MDFIC2: variants seen among roughly 807,000 people sequenced by gnomAD.
MDFIC2 encodes the protein myoD family inhibitor domain-containing protein 2.
chr3:70,271,520 A>G (rs1390527107), intron 2 of MDFIC2, among the ~76,000 whole-genome samples: 4 of 152,238 alleles, frequency 2.6e-5, no homozygotes, highest in African/African-American at 9.6e-5. Flanking sequence ...ACTATTTAAC[A>G]AACATCACCC....
chr3:70,254,769 A>T (rs1360969915), intron 2 of MDFIC2, among the ~76,000 whole-genome samples: 1 of 152,198 alleles, frequency 6.6e-6, no homozygotes, highest in Non-Finnish European at 1.5e-5. Flanking sequence ...ACCTCTCCAT[A>T]GTAACTAAAC....
intron 2 of MDFIC2, among the ~76,000 whole-genome samples, chr3:70,207,542 TCTC>T (rs2106725313): frequency 6.6e-6 from 1 of 152,098 alleles, no homozygotes; most frequent in East Asian, 1.9e-4. Context: ...GTATTTTACA[TCTC>T]CTATACAGTT....
In MDFIC2 at chr3:70,265,838, G is replaced by A. The variant is rs1041437459; in HGVS notation, c.88+46048C>T. Among the ~76,000 whole-genome samples, 12 of 152,130 alleles carry A rather than the reference G, an allele frequency of 7.9e-5. No homozygotes were observed. The East Asian group carries it at 9.6e-4, about 12-fold the overall frequency. ...GCAGGAGAGAGAATGAGTGCCAGCC[G>A]GGGAAATGCCAGACACTTATAAAAC... On this transcript the variant is annotated intron_variant, in intron 2 of 3. Transcript: ENST00000567252.
chr3:70,217,361 A>T (rs1301498410), intron 2 of MDFIC2, among the ~76,000 whole-genome samples: 1 of 152,130 alleles, frequency 6.6e-6, no homozygotes, highest in Non-Finnish European at 1.5e-5. Context: ...TGATTTGTGT[A>T]GGTTGAATTA....
intron 2 of MDFIC2, among the ~76,000 whole-genome samples, chr3:70,300,310 C>T (rs552927052): frequency 1.4e-4 from 22 of 152,188 alleles, no homozygotes; most frequent in African/African-American, 5.3e-4. Context: ...TATAGATAAA[C>T]TTTCCTTACC....
chr3:70,252,369 T>A (rs895868896), intron 2 of MDFIC2, among the ~76,000 whole-genome samples: 1 of 152,210 alleles, frequency 6.6e-6, no homozygotes, highest in Non-Finnish European at 1.5e-5. Context: ...TGCTTCAGTG[T>A]ATGACTTTTT....
intron 2 of MDFIC2, among the ~76,000 whole-genome samples, chr3:70,224,366 G>T (rs920556459): frequency 2.6e-5 from 4 of 152,152 alleles, no homozygotes; most frequent in African/African-American, 9.7e-5. Context: ...AACTTCCATG[G>T]CTGAGCTGCT....
intron 2 of MDFIC2, among the ~76,000 whole-genome samples, chr3:70,262,306 C>T (rs1701874482): frequency 6.6e-6 from 1 of 152,066 alleles, no homozygotes; most frequent in Non-Finnish European, 1.5e-5. Context: ...TTCCAAGGAG[C>T]CAACGCAAAA....
chr3:70,290,762 G>A (rs1702229034), intron 2 of MDFIC2, among the ~76,000 whole-genome samples: 1 of 152,184 alleles, frequency 6.6e-6, no homozygotes, highest in Non-Finnish European at 1.5e-5. Context: ...TAATCTCGTG[G>A]TGCGCCGTTT....
intron 2 of MDFIC2, chr3:70,283,668 CA>C (rs1702111597): frequency 6.6e-6 from 1 of 151,238 alleles, no homozygotes; most frequent in African/African-American, 2.4e-5. Context: ...GCTATTTTCA[CA>C]ATAACATTTG....
rs1382562717 is a variant in MDFIC2 at position 70,299,151 on chromosome 3, G to C, written c.88+12735C>G. Among the ~76,000 whole-genome samples, 6 of 152,164 alleles carry C rather than the reference G, an allele frequency of 3.9e-5. No homozygotes were observed. In the East Asian group the frequency reaches 9.6e-4, roughly 24 times the overall value. ...CCTGAATATCCAAACATAGGTAATT[G>C]GTTACATATATTTTGTTACTTCATA... On this transcript the variant is annotated intron_variant, in intron 2 of 3. Transcript: ENST00000567252.
At chr3:70,290,127 A>T (rs1702216769) in intron 2 of MDFIC2, among the ~76,000 whole-genome samples, 1 of 152,100 alleles carries the variant, frequency 6.6e-6, no homozygotes. Flanking sequence ...TTGTAGGAGG[A>T]GAGGCGCTCT....
chr3:70,255,343 C>A (rs1701805889), intron 2 of MDFIC2, among the ~76,000 whole-genome samples: 1 of 152,070 alleles, frequency 6.6e-6, no homozygotes, highest in African/African-American at 2.4e-5. Context: ...ATAAAAGGAC[C>A]AAAGAAGAGG....
intron 2 of MDFIC2, among the ~76,000 whole-genome samples, chr3:70,219,349 G>T (rs1469675939): frequency 6.6e-6 from 1 of 152,098 alleles, no homozygotes; most frequent in Non-Finnish European, 1.5e-5. Flanking sequence ...GCATGCTCCC[G>T]ATTCACAAAC....
chr3:70,206,964 C>T (rs1199907316), intron 2 of MDFIC2, among the ~76,000 whole-genome samples, 174 bp from the exon 3 acceptor site: 2 of 150,208 alleles, frequency 1.3e-5, no homozygotes, highest in African/African-American at 4.9e-5. Flanking sequence ...AAGAAGAGTG[C>T]AATCATTATA....
At chr3:70,299,625 A>C (rs7634433) in intron 2 of MDFIC2, among the ~76,000 whole-genome samples, 5 of 151,904 alleles carry the variant, frequency 3.3e-5, no homozygotes, top group Admixed American at 3.3e-4. Context: ...CATTGCCCTG[A>C]AAACCAATAT....
chr3:70,258,315 C>T (rs529536564), intron 2 of MDFIC2, among the ~76,000 whole-genome samples: 18 of 152,098 alleles, frequency 1.2e-4, no homozygotes, highest in South Asian at 6.2e-4. Flanking sequence ...TAAATCTTTG[C>T]TCTTTGAAAA....
rs984389299 is a variant in MDFIC2 at position 70,265,654 on chromosome 3, C to T, written c.88+46232G>A. 3.3e-5 allele frequency among the ~76,000 whole-genome samples: 5 copies of T among 152,198 alleles called. No individual in the cohort carries two copies. The East Asian group carries it at 9.6e-4, about 29-fold the overall frequency. On this transcript the variant is annotated intron_variant, in intron 2 of 3. Transcript: ENST00000567252. ...GACATTTTCTCCATGTGCTTTGCAC[C>T]TTACCAAATGTATTAGTCCATTCTC... is the stretch of plus-strand genomic sequence containing the variant.
chr3:70,245,394 G>A (rs954339943), intron 2 of MDFIC2, among the ~76,000 whole-genome samples: 2 of 151,602 alleles, frequency 1.3e-5, no homozygotes, highest in African/African-American at 2.4e-5. Context: ...TTTAATGCTA[G>A]TATAGATTTA....
Sources: allele counts gnomAD v4.1 joint callset (sites outside exome capture counted in the v4.1 genomes callset), GRCh38; gene constraint gnomAD v4.1.1; transcripts MANE v1.5; gene names NCBI Gene and HGNC (gene_info 2026-07-23, HGNC 2026-07-21).